The following KCNT2 variants were observed in gnomAD, a reference collection of about 807,000 sequenced individuals.
The protein encoded by KCNT2 is potassium sodium-activated channel subfamily T member 2, also known as potassium channel subfamily T member 2.
Under a neutral mutation model 153.8 loss-of-function variants are expected in KCNT2, and 67 were observed. That is an observed-to-expected ratio of 0.44 (90% CI 0.36 to 0.53). The LOEUF is 0.53. Among genes scored for constraint, KCNT2 ranks in the 20% least tolerant of loss-of-function variants. The pLI is 0.00. For synonymous variants in KCNT2, 500 were observed against 458.8 expected (o/e 1.09, Z -1.15); for missense variants, 975 against 1,354.8 (o/e 0.72, Z 4.40).
intron 18 of KCNT2, among the ~76,000 whole-genome samples, chr1:196,329,544 A>C (rs547487595): frequency 2.6e-5 from 4 of 152,102 alleles, no homozygotes; most frequent in African/African-American, 7.2e-5. Context: ...CATTTAAAGA[A>C]ATAAAAACCA....
Position 196,589,264 on chromosome 1 carries a change from A to AGTGT in KCNT2, c.95+18947_95+18950dup, listed in dbSNP as rs10625619. 9.8e-4 allele frequency among the ~76,000 whole-genome samples: 148 copies of AGTGT among 150,620 alleles called. No homozygotes were observed. In the East Asian group the frequency reaches 0.01, roughly 10 times the overall value. On this transcript the variant is annotated intron_variant, in intron 1 of 27. Transcript: ENST00000294725. ...TAAAGTCACTATATATATAAAAAAAAGTGTGTGTGTGTGTGCACACGTGAA... is the reference window on the plus strand; with the variant it reads ...TAAAGTCACTATATATATAAAAAAAAGTGTGTGTGTGTGTGTGTGCACACGTGAA...
At chr1:196,539,305 T>C (rs1364544815) in intron 1 of KCNT2, among the ~76,000 whole-genome samples, 1 of 152,198 alleles carries the variant, frequency 6.6e-6, no homozygotes, top group Non-Finnish European at 1.5e-5. Context: ...TGTGTTCGCA[T>C]TGCATGGGCT....
chr1:196,499,870 G>A (rs1349049531), intron 1 of KCNT2, among the ~76,000 whole-genome samples: 1 of 152,108 alleles, frequency 6.6e-6, no homozygotes, highest in African/African-American at 2.4e-5. Context: ...TGGGCCAGAA[G>A]TGGTGGCTCA....
At chr1:196,492,699 G>A (rs1181303413) in intron 1 of KCNT2, among the ~76,000 whole-genome samples, 1 of 152,084 alleles carries the variant, frequency 6.6e-6, no homozygotes, top group East Asian at 1.9e-4. Context: ...TTTGAAATGG[G>A]TTTGAATCAG....
At chr1:196,496,467 CAA>C (rs548990555) in intron 1 of KCNT2, among the ~76,000 whole-genome samples, 20 of 61,180 alleles carry the variant, frequency 3.3e-4, no homozygotes, top group Admixed American at 5.8e-4. Context: ...GACTCTGTCT[CAA>C]AAAAAAAAAA....
rs765411716 is a variant in KCNT2, at chr1:196,319,503, T to C, written c.2329A>G (p.Met777Val). The C allele has an allele frequency of 3.7e-6, 6 of 1,610,060 alleles. No homozygotes were observed. The South Asian group carries it at 5.5e-5, about 15-fold the overall frequency. Reference protein sequence around the residue: ...AICWFPMVYYMVGSIDNLDDL... With the variant: ...AICWFPMVYYVVGSIDNLDDL... Reference sequence around the variant, plus strand: ...ACCTACTTGTCAATAGAGCCCACCATGTAGTAAACCATTGGAAACCAACAG... The same window carrying C: ...ACCTACTTGTCAATAGAGCCCACCACGTAGTAAACCATTGGAAACCAACAG... The change falls in exon 20 of 28, where the codon ATG becomes GTG. Residue 777 changes from methionine to valine, a missense_variant. Met to Val is a conservative substitution (Grantham distance 21). This residue lies in a region of KCNT2 where 325 missense variants were observed against 388.1 expected (regional missense o/e 0.84). Coordinates refer to ENST00000294725, the MANE Select transcript of KCNT2 (RefSeq NM_198503.5).
chr1:196,517,358 G>A (rs1652724294), intron 1 of KCNT2, among the ~76,000 whole-genome samples: 1 of 152,174 alleles, frequency 6.6e-6, no homozygotes, highest in Admixed American at 6.5e-5. Context: ...ACTCAAGTGG[G>A]CAGAGTGTCT....
Position 196,504,465 on chromosome 1 carries a change from T to A in KCNT2, c.96-12124A>T, listed in dbSNP as rs1328468809. On this transcript the variant is annotated intron_variant, in intron 1 of 27. Coordinates refer to ENST00000294725, the MANE Select transcript of KCNT2 (RefSeq NM_198503.5). Reference sequence around the variant, plus strand: ...TTCCATGGTGTATATGTGCCACATTTTCTTAATCCAGTCTATCATTGTTGG... The same window carrying A: ...TTCCATGGTGTATATGTGCCACATTATCTTAATCCAGTCTATCATTGTTGG... Among the ~76,000 whole-genome samples, 10 of 152,308 alleles carry A rather than the reference T, an allele frequency of 6.6e-5. No individual in the cohort carries two copies. In the South Asian group the frequency reaches 1.7e-3, roughly 25 times the overall value.
intron 8 of KCNT2, among the ~76,000 whole-genome samples, chr1:196,437,554 C>T (rs1674838271): frequency 1.3e-5 from 2 of 149,132 alleles, no homozygotes; most frequent in African/African-American, 4.9e-5. Context: ...AATGTCACAC[C>T]ATGTTCTATT....
chr1:196,239,348 T>C (rs1654740029), intron 26 of KCNT2, among the ~76,000 whole-genome samples: 1 of 151,844 alleles, frequency 6.6e-6, no homozygotes, highest in Non-Finnish European at 1.5e-5. Context: ...AATAATATTT[T>C]TGAATATTAT....
intron 1 of KCNT2, among the ~76,000 whole-genome samples, chr1:196,504,069 A>G (rs2148774051): frequency 6.6e-6 from 1 of 152,234 alleles, no homozygotes; most frequent in Non-Finnish European, 1.5e-5. Flanking sequence ...CAAACTTACG[A>G]CAATACAAAT....
intron 8 of KCNT2, among the ~76,000 whole-genome samples, chr1:196,448,130 G>A (rs1675853770): frequency 6.6e-6 from 1 of 151,554 alleles, no homozygotes; most frequent in Non-Finnish European, 1.5e-5. Flanking sequence ...GCATGAAAAA[G>A]AAGGCAGAGC....
At chr1:196,492,521 A>C (rs1358377895) in intron 1 of KCNT2, among the ~76,000 whole-genome samples, 180 bp from the exon 2 acceptor site, 1 of 152,162 alleles carries the variant, frequency 6.6e-6, no homozygotes, top group Non-Finnish European at 1.5e-5. Flanking sequence ...ATGGAAAATG[A>C]GAACTGAGTA....
Position 196,367,229 on chromosome 1 carries a change from TA to T in KCNT2, c.1403+5910del, listed in dbSNP as rs527510628. 1.1e-3 allele frequency among the ~76,000 whole-genome samples: 161 copies of T among 151,582 alleles called. 1 individual carries two copies. Among genetic ancestry groups the T allele is most frequent in the African/African-American group, 2.3e-3 (95 of 41,396 alleles). On this transcript the variant is annotated intron_variant, in intron 14 of 27. Coordinates refer to ENST00000294725, the MANE Select transcript of KCNT2 (RefSeq NM_198503.5). ...ACATTAAAATTCAGGTAAAGAACTA[TA>T]AAAAAAAATCATGTAGTAACTATAC...
At chr1:196,585,249 C>G (rs748583058) in intron 1 of KCNT2, among the ~76,000 whole-genome samples, 5 of 152,040 alleles carry the variant, frequency 3.3e-5, no homozygotes, top group African/African-American at 4.8e-5. Flanking sequence ...AAATTAAAAA[C>G]TAGCTATAAC....
At chr1:196,575,950 C>A (rs1482745836) in intron 1 of KCNT2, among the ~76,000 whole-genome samples, 1 of 146,876 alleles carries the variant, frequency 6.8e-6, no homozygotes, top group African/African-American at 2.5e-5. Context: ...TGCACTCCAG[C>A]CCAGGCAACA....
intron 1 of KCNT2, among the ~76,000 whole-genome samples, chr1:196,569,217 T>C (rs543144453): frequency 2.0e-5 from 3 of 152,182 alleles, no homozygotes; most frequent in African/African-American, 7.2e-5. Context: ...AGTTAATTGA[T>C]TACTTCTAAC....
Position 196,280,928 on chromosome 1 carries a change from A to ATGTT in KCNT2, c.2841_2842insAACA (p.Cys948AsnfsTer16). 6.2e-7 allele frequency: 1 copy of ATGTT among 1,610,442 alleles called. No individual in the cohort carries two copies. The highest frequency in any genetic ancestry group is 8.5e-7 in the Non-Finnish European group (1 of 1,176,668). On this transcript the variant is annotated frameshift_variant, in exon 25 of 28. Transcript: ENST00000294725. LOFTEE classifies it high-confidence loss of function. ...ATGGGAACATCTCCAGTAGAAGAAC[A>ATGTT]CAACTTCTGATAAAGTCTGGCATAA...
intron 14 of KCNT2, among the ~76,000 whole-genome samples, chr1:196,345,216 G>C (rs1485169360): frequency 1.3e-5 from 2 of 152,166 alleles, no homozygotes; most frequent in Non-Finnish European, 2.9e-5. Context: ...TGTGTTTAGA[G>C]GTGATAATTG....
Sources: gnomAD v4.1 joint callset for allele counts (sites outside exome capture counted in the v4.1 genomes callset) on GRCh38, gnomAD v4.1.1 for gene constraint, gnomAD v4.1.1 regional missense constraint, MANE v1.5 for transcripts, NCBI Gene and HGNC (gene_info 2026-07-23, HGNC 2026-07-21) for gene names.